The following ARPC4 variants were observed in gnomAD, a reference collection of about 807,000 sequenced individuals.
The protein encoded by ARPC4 is actin-related protein 2/3 complex subunit 4.
ARPC4 carries 3 observed loss-of-function variants against 22.8 expected under a neutral mutation model. That is an observed-to-expected ratio of 0.13 (90% confidence interval 0.06 to 0.34). The LOEUF is 0.34. Ranked by LOEUF, ARPC4 falls within the 10% of genes least tolerant of loss-of-function variation. The probability of loss-of-function intolerance (pLI) is 1.00; values close to 1 mark genes in which losing one functional copy is unlikely to be tolerated. For synonymous variants in ARPC4, 80 were observed against 72.5 expected (o/e 1.10, Z -0.52); for missense variants, 98 against 211.0 (o/e 0.46, Z 3.32).
At chr3:9,799,883 C>A in intron 2 of ARPC4, 1 of 527,092 alleles carries the variant, frequency 1.9e-6, no homozygotes, top group Non-Finnish European at 3.7e-6. Flanking sequence ...TCTCAGTCCT[C>A]GCCAGTGAAT....
At chr3:9,804,146 ACAG>A in intron 5 of ARPC4, 133 bp downstream of exon 5, 1 of 981,140 alleles carries the variant, frequency 1.0e-6, no homozygotes, top group Non-Finnish European at 1.5e-6. Flanking sequence ...CCCCTGGGGC[ACAG>A]CAGGTCAGTC....
chr3:9,801,979 G>A (rs1199744114), intron 4 of ARPC4, among the ~76,000 whole-genome samples: 2 of 152,164 alleles, frequency 1.3e-5, no homozygotes, highest in Non-Finnish European at 2.9e-5. Context: ...GGTGGCTCAT[G>A]CCTCTAATCC....
chr3:9,797,572 C>T, intron 1 of ARPC4, 87 bp from the exon 2 acceptor site: 1 of 1,469,906 alleles, frequency 6.8e-7, no homozygotes, highest in Non-Finnish European at 9.4e-7. Flanking sequence ...TCAGTGCTAC[C>T]TGGCTTCATG....
At chr3:9,794,900 A>G (rs1352472598) in intron 1 of ARPC4, among the ~76,000 whole-genome samples, 6 of 152,164 alleles carry the variant, frequency 3.9e-5, no homozygotes, top group Admixed American at 3.9e-4. Flanking sequence ...TCTTACCATA[A>G]TACATTTGAG....
chr3:9,792,842 G>C, upstream of ARPC4: 1 of 1,364,448 alleles, frequency 7.3e-7, no homozygotes, highest in Non-Finnish European at 9.4e-7. Flanking sequence ...CTGTGGCAAA[G>C]GTGACAAGAA....
upstream of ARPC4, chr3:9,792,717 G>A (rs897569480): frequency 5.7e-6 from 7 of 1,234,412 alleles, no homozygotes; most frequent in African/African-American, 9.3e-5. Flanking sequence ...TAGGAGGGGC[G>A]AGAGAAAGGA....
chr3:9,795,202 G>A (rs955395227), intron 1 of ARPC4, among the ~76,000 whole-genome samples: 1 of 152,124 alleles, frequency 6.6e-6, no homozygotes, highest in African/African-American at 2.4e-5. Flanking sequence ...GTTTTGCCAT[G>A]TTGGCCAGGC....
upstream of ARPC4, chr3:9,792,801 C>T: frequency 7.8e-7 from 1 of 1,276,984 alleles, no homozygotes; most frequent in Non-Finnish European, 9.9e-7. Context: ...CAATCTGAAG[C>T]TGGGCTGTAC....
chr3:9,800,306 C>T lies in ARPC4; in HGVS notation c.234+10C>T, dbSNP rs374972034. 4 of 1,613,560 alleles carry T rather than the reference C, an allele frequency of 2.5e-6. No homozygotes were observed. The highest frequency in any genetic ancestry group is 3.4e-6 in the Non-Finnish European group (4 of 1,179,780). ...CATTGCTGTGAAACAGGTAAGTTCA[C>T]CATGGAGGAGGCCCAACGTAAGGCC... On this transcript the variant is annotated intron_variant, in intron 3 of 5. Coordinates refer to ENST00000397261, the MANE Select transcript of ARPC4 (RefSeq NM_005718.5).
chr3:9,792,673 G>A, upstream of ARPC4: 4 of 1,233,090 alleles, frequency 3.2e-6, no homozygotes, highest in Non-Finnish European at 4.0e-6. Flanking sequence ...TCTCCGCGCT[G>A]CAGTTAGCCC....
intron 5 of ARPC4, chr3:9,804,261 T>C: frequency 2.5e-6 from 1 of 402,494 alleles, no homozygotes; most frequent in Non-Finnish European, 4.5e-6. Context: ...CGTAGGAACT[T>C]GGTCACTCAT....
intron 5 of ARPC4, among the ~76,000 whole-genome samples, chr3:9,804,764 A>T (rs2079075564): frequency 6.6e-6 from 1 of 152,204 alleles, no homozygotes; most frequent in Non-Finnish European, 1.5e-5. Context: ...ATTCCTAAAA[A>T]TGGAAATTAT....
chr3:9,801,289 G>A (rs552027289), intron 3 of ARPC4, among the ~76,000 whole-genome samples: 3 of 149,728 alleles, frequency 2.0e-5, no homozygotes, highest in Admixed American at 2.0e-4. Flanking sequence ...TGGATGTTCA[G>A]TGTTATTAAA....
At chr3:9,792,685 G>C (rs1200869129), upstream of ARPC4, 3 of 1,233,316 alleles carry the variant, frequency 2.4e-6, no homozygotes, top group East Asian at 9.5e-5. Context: ...AGTTAGCCCC[G>C]CCGAGCGCCA....
At chr3:9,795,066 C>T (rs911826328) in intron 1 of ARPC4, among the ~76,000 whole-genome samples, 5 of 152,022 alleles carry the variant, frequency 3.3e-5, no homozygotes, top group South Asian at 2.1e-4. Flanking sequence ...AGCACAGTGG[C>T]GTGATCTCGG....
At chr3:9,795,524 A>T (rs1386630922) in intron 1 of ARPC4, among the ~76,000 whole-genome samples, 1 of 152,046 alleles carries the variant, frequency 6.6e-6, no homozygotes, top group African/African-American at 2.4e-5. Flanking sequence ...ATTCCCCATG[A>T]TCTTACCTCA....
chr3:9,798,138 T>TC (rs1553711071), intron 2 of ARPC4: 212 of 172,476 alleles, frequency 1.2e-3, no homozygotes, highest in Non-Finnish European at 2.1e-3. Context: ...TTTTTTTTTT[T>TC]CCCATCTCCA....
At chr3:9,792,768 T>G (rs2125631624), upstream of ARPC4, 2 of 1,246,812 alleles carry the variant, frequency 1.6e-6, no homozygotes, top group Non-Finnish European at 2.0e-6. Flanking sequence ...CTCGTCCGCT[T>G]CGGCTTGTCC....
At chr3:9,796,576 C>G (rs145087973) in intron 1 of ARPC4, among the ~76,000 whole-genome samples, 42 of 152,222 alleles carry the variant, frequency 2.8e-4, no homozygotes, top group Non-Finnish European at 4.6e-4. Context: ...GTGTAAAGCT[C>G]TGAGGTGGGA....
Sources: gnomAD v4.1 joint callset for allele counts (sites outside exome capture counted in the v4.1 genomes callset) on GRCh38, gnomAD v4.1.1 for gene constraint, MANE v1.5 for transcripts, NCBI Gene and HGNC (gene_info 2026-07-23, HGNC 2026-07-21) for gene names.